Variants in NGLY1 observed in about 807,000 individuals in gnomAD.
NGLY1 encodes the protein peptide-N(4)-(N-acetyl-beta-glucosaminyl)asparagine amidase.
In NGLY1, 68 loss-of-function variants were observed where a neutral mutation model predicts 84.6. The observed-to-expected ratio is 0.80, with a 90% CI of 0.66 to 0.98. The LOEUF is 0.98. Among genes scored for constraint, NGLY1 ranks in the 50% least tolerant of loss-of-function variants. The pLI is 0.00. For missense variants in NGLY1, 779 were observed against 770.2 expected (o/e 1.01, Z -0.14); for synonymous variants, 280 against 275.2 (o/e 1.02, Z -0.17).
Position 25,758,676 on chromosome 3 carries a change from T to C in NGLY1, c.492+5390A>G, listed in dbSNP as rs73059751. 6.6e-3 allele frequency among the ~76,000 whole-genome samples: 1,008 copies of C among 152,338 alleles called. 5 individuals are homozygous for C. Among genetic ancestry groups the C allele is most frequent in the Non-Finnish European group, 0.01 (697 of 68,044 alleles). On this transcript the variant is annotated intron_variant, in intron 3 of 11. Transcript: ENST00000280700. ...TGTGAACAGTATATTGCCGTAGTAG[T>C]ACATGTATATAACACATAAACAAAT...
chr3:25,736,311 G>C, intron 6 of NGLY1, 162 bp from the exon 7 acceptor site: 1 of 1,551,170 alleles, frequency 6.4e-7, no homozygotes, highest in Non-Finnish European at 8.7e-7. Context: ...TAGAATACCT[G>C]TATTAATTTC....
chr3:25,721,813 A>G (rs56369402), intron 10 of NGLY1, among the ~76,000 whole-genome samples: 3,499 of 150,818 alleles, frequency 0.023, 142 homozygotes, highest in African/African-American at 0.08. Context: ...CCCACCTTGA[A>G]TTGCCAATGC....
At chr3:25,790,020 G>T in exon 1 of NGLY1, 1 of 900,366 alleles carries the variant, frequency 1.1e-6, no homozygotes. Context: ...GAGTCGAACG[G>T]GACGCGTGCG....
chr3:25,721,608 G>T (rs1444372544), intron 10 of NGLY1, among the ~76,000 whole-genome samples: 1 of 151,718 alleles, frequency 6.6e-6, no homozygotes, highest in African/African-American at 2.4e-5. Flanking sequence ...TATTAGCTGG[G>T]CGTGGTGGCA....
intron 4 of NGLY1, among the ~76,000 whole-genome samples, chr3:25,745,076 C>T (rs1415292154): frequency 6.6e-6 from 1 of 152,130 alleles, no homozygotes; most frequent in Non-Finnish European, 1.5e-5. Flanking sequence ...TATAAGTTTC[C>T]TTCACTTGTT....
intron 9 of NGLY1, among the ~76,000 whole-genome samples, chr3:25,730,769 G>A (rs1362543309): frequency 6.6e-6 from 1 of 152,088 alleles, no homozygotes; most frequent in Non-Finnish European, 1.5e-5. Flanking sequence ...TCTGTTACTA[G>A]AGAAATGAAC....
exon 1 of NGLY1, chr3:25,789,883 C>G: frequency 6.4e-7 from 1 of 1,551,706 alleles, no homozygotes. Flanking sequence ...TTGGCAGGTC[C>G]TCGATTATCG....
intron 11 of NGLY1, 35 bp downstream of exon 11, chr3:25,719,979 A>ATG: frequency 6.4e-7 from 1 of 1,565,698 alleles, no homozygotes; most frequent in Non-Finnish European, 8.7e-7. Context: ...TGGTAAATAT[A>ATG]TATTTCGTGA....
chr3:25,727,240 A>G (rs1300038965), intron 10 of NGLY1, among the ~76,000 whole-genome samples: 1 of 152,180 alleles, frequency 6.6e-6, no homozygotes, highest in Non-Finnish European at 1.5e-5. Flanking sequence ...CTAGAAAGAA[A>G]TTCACTCAAC....
intron 2 of NGLY1, 30 bp downstream of exon 2, chr3:25,778,544 A>G: frequency 1.6e-6 from 2 of 1,253,292 alleles, no homozygotes; most frequent in Non-Finnish European, 2.3e-6. Context: ...GTGCATGAAG[A>G]GGGGAGAGGA....
chr3:25,783,919 T>C (rs78855254), upstream of NGLY1: 886 of 152,618 alleles, frequency 5.8e-3, 3 homozygotes, highest in Admixed American at 0.01. This position sits in a 1 kb window ranked among gnomAD's most constrained non-coding sequence, Gnocchi z 4.5. Flanking sequence ...ATCGGGCGAA[T>C]GGTGCTGGCA....
intron 4 of NGLY1, among the ~76,000 whole-genome samples, chr3:25,748,197 T>C (rs560542147): frequency 7.2e-5 from 11 of 152,208 alleles, no homozygotes; most frequent in Non-Finnish European, 1.5e-4. Context: ...CCCAGAGATA[T>C]AGGCCCACTA....
At chr3:25,761,018 A>G (rs1707299943) in intron 3 of NGLY1, among the ~76,000 whole-genome samples, 1 of 151,614 alleles carries the variant, frequency 6.6e-6, no homozygotes, top group African/African-American at 2.4e-5. Context: ...TTTATTATTT[A>G]TCATTATCTG....
At chr3:25,763,499 A>G (rs541444962) in intron 3 of NGLY1, among the ~76,000 whole-genome samples, 5 of 152,356 alleles carry the variant, frequency 3.3e-5, no homozygotes, top group Middle Eastern at 3.4e-3. Flanking sequence ...AGGGAGGGGC[A>G]TAAAAATCCA....
rs766681901 is a variant in NGLY1 at position 25,719,411 on chromosome 3, C to G, written c.*49G>C. ...AAGCATGCACTGAACCAACAGACTA[C>G]TTCAGTAAGTCCTTGATTATTGCCA... On this transcript the variant is annotated 3_prime_UTR_variant, in exon 12 of 12. Transcript: ENST00000280700. The G allele has an allele frequency of 1.3e-6, 2 of 1,547,542 alleles. No individual in the cohort carries two copies. The highest frequency in any genetic ancestry group is 1.4e-5 in the African/African-American group (1 of 73,508).
chr3:25,741,019 T>C (rs150503941), intron 4 of NGLY1, among the ~76,000 whole-genome samples: 2,055 of 151,584 alleles, frequency 0.014, 41 homozygotes, highest in African/African-American at 0.047. Flanking sequence ...TCCCAGCTAC[T>C]TGGGAGGCTG....
chr3:25,784,062 A>T (rs1409377109), upstream of NGLY1: 3 of 152,198 alleles, frequency 2.0e-5, no homozygotes, highest in Non-Finnish European at 4.4e-5. Context: ...TTCTCTTCGC[A>T]GATTGTCAGG....
At chr3:25,743,041 T>C (rs1444299376) in intron 4 of NGLY1, among the ~76,000 whole-genome samples, 2 of 151,574 alleles carry the variant, frequency 1.3e-5, no homozygotes, top group Admixed American at 6.6e-5. Flanking sequence ...GAGAAGGCAA[T>C]GTGAAGATGG....
At chr3:25,771,847 G>C (rs1707912197) in intron 2 of NGLY1, among the ~76,000 whole-genome samples, 1 of 152,148 alleles carries the variant, frequency 6.6e-6, no homozygotes, top group African/African-American at 2.4e-5. Context: ...TGTTGGTGTA[G>C]AAATAGTGCT....
Sources: allele counts gnomAD v4.1 joint callset (sites outside exome capture counted in the v4.1 genomes callset), GRCh38; gene constraint gnomAD v4.1.1; non-coding constraint Gnocchi (gnomAD v3.1); transcripts MANE v1.5; gene names NCBI Gene and HGNC (gene_info 2026-07-23, HGNC 2026-07-21).